REEP3: variants seen among roughly 807,000 people sequenced by gnomAD.
The protein encoded by REEP3 is receptor accessory protein 3.
REEP3 carries 20 observed loss-of-function variants against 41.3 expected under a neutral mutation model. The ratio of observed to expected loss-of-function variants is 0.48; its 90% CI spans 0.34 to 0.70. The LOEUF is 0.70. Among genes scored for constraint, REEP3 ranks in the 30% least tolerant of loss-of-function variants. The pLI is 0.01. For missense variants in REEP3, 271 were observed against 308.8 expected (o/e 0.88, Z 0.92); for synonymous variants, 104 against 101.8 (o/e 1.02, Z -0.13).
intron 1 of REEP3, among the ~76,000 whole-genome samples, chr10:63,554,101 C>CAAA (rs11298394): frequency 1.8e-5 from 2 of 110,434 alleles, no homozygotes; most frequent in Non-Finnish European, 1.9e-5. Context: ...GACTCCGTCT[C>CAAA]AAAAAAAAAA....
chr10:63,581,630 C>A (rs1955954995), intron 2 of REEP3, among the ~76,000 whole-genome samples: 1 of 151,886 alleles, frequency 6.6e-6, no homozygotes, highest in African/African-American at 2.4e-5. Context: ...ATAGTCCCAG[C>A]TACTCAGGAG....
intron 1 of REEP3, among the ~76,000 whole-genome samples, chr10:63,554,881 C>T (rs1955663132): frequency 1.3e-5 from 2 of 152,110 alleles, no homozygotes; most frequent in South Asian, 2.1e-4. Context: ...CAGCATTCTT[C>T]TAAACATTTT....
At chr10:63,542,736 T>G (rs907973997) in intron 1 of REEP3, among the ~76,000 whole-genome samples, 1 of 152,214 alleles carries the variant, frequency 6.6e-6, no homozygotes, top group Non-Finnish European at 1.5e-5. Context: ...CTGGAATTTT[T>G]ATATTTTGGA....
intron 6 of REEP3, among the ~76,000 whole-genome samples, chr10:63,618,053 T>G (rs1956325494): frequency 6.6e-6 from 1 of 151,670 alleles, no homozygotes; most frequent in South Asian, 2.1e-4. Flanking sequence ...CTCGAACTCC[T>G]GACCTCAGGT....
intron 2 of REEP3, among the ~76,000 whole-genome samples, chr10:63,586,984 G>GTTTT (rs61633385): frequency 2.1e-5 from 3 of 142,468 alleles, no homozygotes; most frequent in Non-Finnish European, 1.5e-5. Flanking sequence ...GTTTATGCAT[G>GTTTT]TTTTTTTTTT....
At chr10:63,602,940 C>G (rs373050429) in intron 5 of REEP3, among the ~76,000 whole-genome samples, 2 of 152,250 alleles carry the variant, frequency 1.3e-5, no homozygotes, top group African/African-American at 4.8e-5. Flanking sequence ...CTGTCTGGAG[C>G]TAATGTCTGT....
intron 5 of REEP3, among the ~76,000 whole-genome samples, chr10:63,602,387 T>C (rs1301971453): frequency 6.6e-6 from 1 of 152,236 alleles, no homozygotes; most frequent in East Asian, 1.9e-4. Flanking sequence ...CTTTTTGCTA[T>C]AAAATTTAGC....
intron 5 of REEP3, among the ~76,000 whole-genome samples, chr10:63,603,824 T>G (rs1397260361): frequency 6.6e-6 from 1 of 152,190 alleles, no homozygotes; most frequent in African/African-American, 2.4e-5. Context: ...TGCCTCAAGT[T>G]ATACTGTGCT....
intron 1 of REEP3, among the ~76,000 whole-genome samples, chr10:63,538,604 C>T (rs1290858055): frequency 6.6e-6 from 1 of 152,032 alleles, no homozygotes; most frequent in East Asian, 1.9e-4. Flanking sequence ...TGTGGTGGCA[C>T]GTGCCTGTAA....
At chr10:63,529,232 T>A (rs1028700875) in intron 1 of REEP3, among the ~76,000 whole-genome samples, 38 of 152,266 alleles carry the variant, frequency 2.5e-4, no homozygotes, top group African/African-American at 9.1e-4. Context: ...TTGAATAAAG[T>A]TTTTTTCACT....
intron 1 of REEP3, among the ~76,000 whole-genome samples, chr10:63,533,708 A>ATTTTTTTTTTTTTTTTTTTTT (rs1464023228): frequency 4.8e-4 from 45 of 93,870 alleles, no homozygotes; most frequent in Non-Finnish European, 6.8e-4. Context: ...AAGTATGTAA[A>ATTTTTTTTTTTTTTTTTTTTT]TCTTTTTTTT....
rs995281514 is a variant in REEP3 at position 63,603,079 on chromosome 10, T to C, written c.417+3796T>C. Among the ~76,000 whole-genome samples, 5 of 151,330 alleles carry C rather than the reference T, an allele frequency of 3.3e-5. No individual in the cohort carries two copies. In the East Asian group the frequency reaches 5.9e-4, roughly 18 times the overall value. On this transcript the variant is annotated intron_variant, in intron 5 of 7. Transcript: ENST00000373758. ...CTGTAATCCCAGCACTTTGGGAGGC[T>C]GAGGCGGGCGGATCACAAGGTCAGG...
chr10:63,617,391 G>A (rs1956319672), intron 6 of REEP3, among the ~76,000 whole-genome samples: 1 of 152,142 alleles, frequency 6.6e-6, no homozygotes, highest in African/African-American at 2.4e-5. Context: ...TCTTAGAAGA[G>A]CAGACCAATA....
intron 1 of REEP3, among the ~76,000 whole-genome samples, chr10:63,536,029 G>A (rs1175568214): frequency 6.6e-6 from 1 of 152,170 alleles, no homozygotes; most frequent in Non-Finnish European, 1.5e-5. Context: ...TTCTGCATCA[G>A]GCATTATTCT....
At chr10:63,568,424 G>A (rs1186291983) in intron 2 of REEP3, among the ~76,000 whole-genome samples, 3 of 151,600 alleles carry the variant, frequency 2.0e-5, no homozygotes, top group Non-Finnish European at 4.4e-5. Context: ...CCGCCACCAC[G>A]CCCTGCTAAT....
At chr10:63,580,126 G>A (rs1009941587) in intron 2 of REEP3, among the ~76,000 whole-genome samples, 16 of 151,798 alleles carry the variant, frequency 1.1e-4, no homozygotes, top group South Asian at 8.3e-4. Context: ...GGTTTTCGTT[G>A]TTGTTGTTGT....
chr10:63,599,229 T>C lies in REEP3; in HGVS notation c.363T>C (p.Phe121=), dbSNP rs377091263. Residue 121 remains phenylalanine (F), a synonymous_variant, in exon 5 of 8, where the codon TTT becomes TTC. Transcript: ENST00000373758. ...KERGYETMVN[F]GRQGLNLAAT... The stretch of plus-strand genomic sequence containing the variant: ...GAGGCTATGAAACCATGGTAAACTT[T>C]GGACGGCAAGGTTTAAACCTTGCAG... 22 of 1,593,170 alleles carry C rather than the reference T, an allele frequency of 1.4e-5. No homozygotes were observed. The highest frequency in any genetic ancestry group is 4.1e-5 in the African/African-American group (3 of 73,688).
At chr10:63,534,572 A>G (rs1955457448) in intron 1 of REEP3, among the ~76,000 whole-genome samples, 1 of 152,222 alleles carries the variant, frequency 6.6e-6, no homozygotes, top group South Asian at 2.1e-4. Context: ...TGTGGTAAAT[A>G]GGATGCAAAT....
chr10:63,539,439 T>C (rs1955506146), intron 1 of REEP3, among the ~76,000 whole-genome samples: 1 of 152,174 alleles, frequency 6.6e-6, no homozygotes, highest in Non-Finnish European at 1.5e-5. Flanking sequence ...GATGCTGTCA[T>C]TTAATTTGAG....
Sources: gnomAD v4.1 joint callset for allele counts (sites outside exome capture counted in the v4.1 genomes callset) on GRCh38, gnomAD v4.1.1 for gene constraint, MANE v1.5 for transcripts, NCBI Gene and HGNC (gene_info 2026-07-23, HGNC 2026-07-21) for gene names.